Variants in VWA3B observed in about 807,000 individuals in gnomAD.
VWA3B encodes the protein von Willebrand factor A domain containing 3B, also known as von Willebrand factor A domain-containing protein 3B.
A neutral mutation model predicts 158.3 loss-of-function variants in VWA3B; 138 were observed. The ratio of observed to expected loss-of-function variants is 0.87; its 90% CI spans 0.76 to 1.00. The LOEUF is 1.00. VWA3B is among the 50% of genes least tolerant of loss of function. The probability of loss-of-function intolerance (pLI) is 0.00; values close to 1 mark genes in which losing one functional copy is unlikely to be tolerated. For missense variants in VWA3B, 1,555 were observed against 1,565.1 expected, an observed-to-expected ratio of 0.99 and a Z score of 0.11; for synonymous variants, 596 against 587.3, an observed-to-expected ratio of 1.01 and a Z score of -0.21.
chr2:98,320,840 T>G, the VWA3B span, among the ~76,000 whole-genome samples: 4 of 152,102 alleles, frequency 2.6e-5, no homozygotes, highest in Non-Finnish European at 5.9e-5. Context: ...GGGGAGAAAT[T>G]CCAGCCAACT....
At chr2:98,281,006 C>A (rs754379105) in intron 22 of VWA3B, among the ~76,000 whole-genome samples, 1 of 152,194 alleles carries the variant, frequency 6.6e-6, no homozygotes, top group Non-Finnish European at 1.5e-5. Context: ...GTGCAAATGC[C>A]CTGGGAAGGA....
intron 19 of VWA3B, among the ~76,000 whole-genome samples, chr2:98,242,793 G>A (rs1686163500): frequency 6.6e-6 from 1 of 150,646 alleles, no homozygotes. Context: ...AGTGACCTGT[G>A]AGGTGGCTAT....
intron 21 of VWA3B, among the ~76,000 whole-genome samples, chr2:98,257,299 G>T (rs1166945607): frequency 4.6e-5 from 7 of 151,946 alleles, no homozygotes; most frequent in Admixed American, 3.9e-4. Flanking sequence ...CAAATGATAG[G>T]ATTTTGTTCC....
chr2:98,270,377 A>T (rs1245808089), intron 21 of VWA3B, among the ~76,000 whole-genome samples: 3 of 152,230 alleles, frequency 2.0e-5, no homozygotes, highest in African/African-American at 7.2e-5. Context: ...CGGAGAAAAA[A>T]AAATGCTGAA....
chr2:98,132,161 C>T (rs763516210), intron 6 of VWA3B, among the ~76,000 whole-genome samples: 15 of 152,206 alleles, frequency 9.9e-5, no homozygotes, highest in African/African-American at 3.1e-4. Flanking sequence ...AGCTACCTAA[C>T]GAGGCCATGC....
At chr2:98,135,536 C>T (rs577622349) in intron 7 of VWA3B, among the ~76,000 whole-genome samples, 2 of 151,340 alleles carry the variant, frequency 1.3e-5, no homozygotes, top group South Asian at 2.1e-4. Context: ...GGGGTTTCAC[C>T]GTTTTAGCCG....
Position 98,251,768 on chromosome 2 carries a change from G to A in VWA3B, c.2792+1332G>A, listed in dbSNP as rs920409313. Among the ~76,000 whole-genome samples, 10 of 152,244 alleles carry A rather than the reference G, an allele frequency of 6.6e-5. No homozygotes were observed. In the South Asian group the frequency reaches 1.7e-3, roughly 25 times the overall value. ...CTGCCCCACGAAGGATCATTCCAAC[G>A]GCAGACCTTGCTCCACTGTGTCCAA... On this transcript the variant is annotated intron_variant, in intron 20 of 27. Transcript: ENST00000477737.
At chr2:98,180,207 T>C (rs1212902190) in intron 8 of VWA3B, among the ~76,000 whole-genome samples, 1 of 144,888 alleles carries the variant, frequency 6.9e-6, no homozygotes, top group Non-Finnish European at 1.5e-5. Context: ...CATTCTTTCC[T>C]CTTTTTTGAT....
intron 23 of VWA3B, among the ~76,000 whole-genome samples, chr2:98,296,592 T>C (rs902699162): frequency 1.3e-5 from 2 of 152,158 alleles, no homozygotes; most frequent in African/African-American, 4.8e-5. Context: ...CTTTGCCCCA[T>C]GAGAGGACAC....
At chr2:98,250,512 C>A in intron 20 of VWA3B, 76 bp downstream of exon 20, 2 of 1,138,254 alleles carry the variant, frequency 1.8e-6, no homozygotes, top group Non-Finnish European at 2.4e-6. Context: ...CTTGTTTTAG[C>A]TTAGCTTTTT....
At chr2:98,275,789 G>A (rs576961978) in intron 22 of VWA3B, among the ~76,000 whole-genome samples, 1 of 152,358 alleles carries the variant, frequency 6.6e-6, no homozygotes, top group Admixed American at 6.5e-5. Flanking sequence ...GTGCATTAGT[G>A]AGGTTGGCCA....
chr2:98,228,156 C>G (rs375235855), intron 14 of VWA3B, 46 bp from the exon 15 acceptor site: 91 of 1,539,230 alleles, frequency 5.9e-5, no homozygotes, highest in Non-Finnish European at 7.7e-5. Context: ...GGAATTTGAG[C>G]TCTTTTTATC....
At chr2:98,183,774 G>T (rs1397171335) in intron 9 of VWA3B, among the ~76,000 whole-genome samples, 1 of 152,208 alleles carries the variant, frequency 6.6e-6, no homozygotes, top group Non-Finnish European at 1.5e-5. Context: ...AGTAGTTACT[G>T]ATGATGAGAT....
chr2:98,247,554 T>C (rs1414323711), intron 19 of VWA3B, among the ~76,000 whole-genome samples: 1 of 152,128 alleles, frequency 6.6e-6, no homozygotes, highest in Non-Finnish European at 1.5e-5. Flanking sequence ...CTCTTGGCTG[T>C]TGAGTGATAG....
chr2:98,170,712 T>C (rs1016931753), intron 8 of VWA3B, among the ~76,000 whole-genome samples: 3 of 152,056 alleles, frequency 2.0e-5, no homozygotes, highest in Admixed American at 6.6e-5. Flanking sequence ...GTTCAAGTGA[T>C]TGTCCTGCCT....
In VWA3B at chr2:98,107,812, C is replaced by A. The variant is rs369489385; in HGVS notation, c.197-7840C>A. On this transcript the variant is annotated intron_variant, in intron 2 of 27. Coordinates refer to ENST00000477737, the MANE Select transcript of VWA3B (RefSeq NM_144992.5). ...TCAGTTTATTGATCTTTAAAAAATACCAGCTTTTTTGTTTGGTTTTCTCTA... is the reference window on the plus strand; with the variant it reads ...TCAGTTTATTGATCTTTAAAAAATAACAGCTTTTTTGTTTGGTTTTCTCTA... Among the ~76,000 whole-genome samples, 4 of 152,038 alleles carry A rather than the reference C, an allele frequency of 2.6e-5. No individual in the cohort carries two copies. The South Asian group carries it at 8.3e-4, about 31-fold the overall frequency.
At chr2:98,163,106 G>A (rs1207238045) in intron 8 of VWA3B, 130 bp downstream of exon 8, 1 of 1,443,954 alleles carries the variant, frequency 6.9e-7, no homozygotes, top group Admixed American at 2.1e-5. Context: ...GAGGAGAGCA[G>A]CCAGAGCTGT....
rs188977289 is a variant in VWA3B, at chr2:98,091,854, A to G, written c.-32-1207A>G. Among the ~76,000 whole-genome samples, 7 of 152,366 alleles carry G rather than the reference A, an allele frequency of 4.6e-5. No homozygotes were observed. The East Asian group carries it at 9.6e-4, about 21-fold the overall frequency. The stretch of plus-strand genomic sequence containing the variant: ...TACATGCATTGTGAATTCTGGATAC[A>G]GAAGTAAGCAGAACTTTCTACACTT... On this transcript the variant is annotated intron_variant, in intron 1 of 27. Coordinates refer to ENST00000477737, the MANE Select transcript of VWA3B (RefSeq NM_144992.5).
intron 7 of VWA3B, among the ~76,000 whole-genome samples, chr2:98,138,975 C>T (rs1465708294): frequency 6.6e-6 from 1 of 152,250 alleles, no homozygotes; most frequent in Non-Finnish European, 1.5e-5. Flanking sequence ...CCGGAGTCGG[C>T]TCCCTCAGCT....
Sources: allele counts gnomAD v4.1 joint callset (sites outside exome capture counted in the v4.1 genomes callset), GRCh38; gene constraint gnomAD v4.1.1; transcripts MANE v1.5; gene names NCBI Gene and HGNC (gene_info 2026-07-23, HGNC 2026-07-21).